CENPQ: variants seen among roughly 807,000 people sequenced by gnomAD.
The protein encoded by CENPQ is chromosome 6 open reading frame 139.
In CENPQ, 27 loss-of-function variants were observed where a neutral mutation model predicts 36.6. That is an observed-to-expected ratio of 0.74 (90% CI 0.54 to 1.02). The LOEUF (loss-of-function observed/expected upper bound fraction) is 1.02, where lower values mean the gene tolerates loss of function less well. CENPQ is among the 50% of genes least tolerant of loss of function. CENPQ has a pLI of 0.00. For missense variants in CENPQ, 306 were observed against 301.8 expected (o/e 1.01, Z -0.10); for synonymous variants, 101 against 101.7 (o/e 0.99, Z 0.04).
chr6:49,470,418 A>G (rs1768101564), intron 2 of CENPQ, 140 bp downstream of exon 2: 1 of 476,082 alleles, frequency 2.1e-6, no homozygotes, highest in Non-Finnish European at 3.7e-6. Context: ...CCTGGCTAAC[A>G]TGATGAAACC....
chr6:49,477,267 G>GT (rs1768317509), intron 5 of CENPQ, among the ~76,000 whole-genome samples: 1 of 152,112 alleles, frequency 6.6e-6, no homozygotes, highest in Admixed American at 6.5e-5. Context: ...CATGTCCTTT[G>GT]TAGGGACATG....
chr6:49,475,380 A>G (rs1452772705), intron 5 of CENPQ, among the ~76,000 whole-genome samples: 1 of 152,218 alleles, frequency 6.6e-6, no homozygotes, highest in Admixed American at 6.5e-5. Flanking sequence ...ACAACCCTTC[A>G]TGCTAAAAAC....
chr6:49,490,890 C>T (rs2127428733), intron 8 of CENPQ, among the ~76,000 whole-genome samples: 1 of 152,196 alleles, frequency 6.6e-6, no homozygotes, highest in South Asian at 2.1e-4. Context: ...GTTATGGCAC[C>T]CAGAACAATT....
At chr6:49,477,180 T>A (rs1189836042) in intron 5 of CENPQ, among the ~76,000 whole-genome samples, 3 of 152,066 alleles carry the variant, frequency 2.0e-5, no homozygotes, top group Non-Finnish European at 2.9e-5. Flanking sequence ...CAAATGTCCA[T>A]CAATGATAGA....
chr6:49,480,962 A>G lies in CENPQ; in HGVS notation c.359A>G (p.Gln120Arg). The stretch of plus-strand genomic sequence containing the variant: ...ATTTTATCCTTAAGATTGCTACAAC[A>G]GTGTGAAACTCTGAAAGTCCCTCCC... ...LNFLKKRLLQQCETLKVPPKK... is the reference protein window; with the variant it reads ...LNFLKKRLLQRCETLKVPPKK... The change falls in exon 6 of 9, where the codon CAG becomes CGG. Residue 120 changes from glutamine to arginine, a missense_variant. Physicochemically the swap from Gln to Arg is conservative, Grantham distance 43. Coordinates refer to ENST00000335783, the MANE Select transcript of CENPQ (RefSeq NM_018132.4). 1.9e-6 allele frequency: 3 copies of G among 1,596,114 alleles called. No individual in the cohort carries two copies. The highest frequency in any genetic ancestry group is 1.1e-5 in the South Asian group (1 of 87,904).
intron 2 of CENPQ, among the ~76,000 whole-genome samples, 177 bp from the exon 3 acceptor site, chr6:49,470,797 G>A (rs918647170): frequency 2.6e-5 from 4 of 152,064 alleles, no homozygotes; most frequent in African/African-American, 9.7e-5. Flanking sequence ...GCTTTAGTAT[G>A]TCCTCTCTGT....
At chr6:49,481,677 G>A (rs1172802980) in intron 6 of CENPQ, among the ~76,000 whole-genome samples, 1 of 152,148 alleles carries the variant, frequency 6.6e-6, no homozygotes, top group Non-Finnish European at 1.5e-5. Context: ...GTTTTGACAG[G>A]GCGCTGATTG....
intron 1 of CENPQ, among the ~76,000 whole-genome samples, chr6:49,467,306 C>G (rs1209973211): frequency 2.0e-5 from 3 of 152,068 alleles, no homozygotes; most frequent in Admixed American, 6.5e-5. Context: ...TGGTATAATA[C>G]CAGGAGTGAA....
chr6:49,481,195 G>T (rs1768420275), intron 6 of CENPQ, 115 bp downstream of exon 6: 3 of 875,642 alleles, frequency 3.4e-6, no homozygotes, highest in South Asian at 2.7e-5. Flanking sequence ...TCTTGAACCA[G>T]GTTTTTTCAT....
At chr6:49,467,126 G>C (rs1433960871) in intron 1 of CENPQ, among the ~76,000 whole-genome samples, 1 of 152,206 alleles carries the variant, frequency 6.6e-6, no homozygotes, top group Non-Finnish European at 1.5e-5. Context: ...AATGTTAATA[G>C]TGCTGAGGTT....
At position 49,470,153 on chromosome 6, in the gene CENPQ, TCGA is replaced by T; in HGVS notation, c.-18-5_-18-3del. On this transcript the variant is annotated splice_polypyrimidine_tract_variant and splice_region_variant and intron_variant, in intron 1 of 8. Coordinates refer to ENST00000335783, the MANE Select transcript of CENPQ (RefSeq NM_018132.4). ...TCATCTTTACAGATTTTTTTTTTTT[TCGA>T]AGCACTGTGTTTAGATCAAGATGTC... 8.4e-7 allele frequency: 1 copy of T among 1,193,878 alleles called. No individual in the cohort carries two copies. The highest frequency in any genetic ancestry group is 1.6e-5 in the African/African-American group (1 of 64,332). 74.0% of individuals were successfully genotyped at this position (1,193,878 alleles called of 1,614,324 possible). A position where few individuals can be genotyped will look rare whatever the true frequency, so the allele number is the denominator to read the frequency against.
At chr6:49,489,790 G>A (rs891344308) in intron 8 of CENPQ, among the ~76,000 whole-genome samples, 2 of 152,154 alleles carry the variant, frequency 1.3e-5, no homozygotes, top group African/African-American at 4.8e-5. Context: ...CAGAGCTCTT[G>A]GGTAACTGTG....
At chr6:49,482,625 T>C (rs879612866) in intron 6 of CENPQ, among the ~76,000 whole-genome samples, 4 of 149,006 alleles carry the variant, frequency 2.7e-5, no homozygotes, top group Non-Finnish European at 4.4e-5. Flanking sequence ...ATGGCCTCGA[T>C]TTACTCAGTG....
At chr6:49,477,024 G>A (rs1768310004) in intron 5 of CENPQ, among the ~76,000 whole-genome samples, 2 of 152,134 alleles carry the variant, frequency 1.3e-5, no homozygotes, top group African/African-American at 4.8e-5. Flanking sequence ...ATTCCTCAAG[G>A]ATCTAGAACT....
chr6:49,485,095 G>C (rs1337371202), intron 6 of CENPQ, among the ~76,000 whole-genome samples: 1 of 152,084 alleles, frequency 6.6e-6, no homozygotes, highest in Non-Finnish European at 1.5e-5. Context: ...CTGGCATTTG[G>C]GGCAGGAGAG....
At chr6:49,483,568 G>T (rs778978821) in intron 6 of CENPQ, among the ~76,000 whole-genome samples, 1 of 152,208 alleles carries the variant, frequency 6.6e-6, no homozygotes, top group Non-Finnish European at 1.5e-5. Context: ...GCCCCACAGG[G>T]AGGCAGCTAA....
At chr6:49,473,109 T>G (rs1311720043) in intron 5 of CENPQ, among the ~76,000 whole-genome samples, 2 of 152,182 alleles carry the variant, frequency 1.3e-5, no homozygotes, top group African/African-American at 4.8e-5. Context: ...CTCTTCCATA[T>G]CAGAATTTGA....
rs747076611 is a variant in CENPQ, at chr6:49,472,071, A to G, written c.166A>G (p.Lys56Glu). 1 of 1,611,956 alleles carries G rather than the reference A, an allele frequency of 6.2e-7. No homozygotes were observed. Among genetic ancestry groups the G allele is most frequent in the Non-Finnish European group, 8.5e-7 (1 of 1,179,078 alleles). ...LKDLSSEGQT[K>E]HTNLKHGKTA... The stretch of plus-strand genomic sequence containing the variant: ...TCTATTACTAACGACAGGACAAACA[A>G]AGCACACTAACCTAAAACACGGAAA... Residue 56 changes from lysine to glutamate, a missense_variant, in exon 4 of 9, where the codon AAG becomes GAG. Coordinates refer to ENST00000335783, the MANE Select transcript of CENPQ (RefSeq NM_018132.4).
chr6:49,490,923 C>G (rs936964909), intron 8 of CENPQ, among the ~76,000 whole-genome samples: 7 of 152,272 alleles, frequency 4.6e-5, no homozygotes, highest in South Asian at 2.1e-4. Flanking sequence ...TCAAAGAACA[C>G]TGGGCATAGA....
Sources: allele counts gnomAD v4.1 joint callset (sites outside exome capture counted in the v4.1 genomes callset), GRCh38; gene constraint gnomAD v4.1.1; transcripts MANE v1.5; gene names NCBI Gene and HGNC (gene_info 2026-07-23, HGNC 2026-07-21).